SAMSN1: variants seen among roughly 807,000 people sequenced by gnomAD.
SAMSN1 encodes SAM domain-containing protein SAMSN-1.
Under a neutral mutation model 42.0 loss-of-function variants are expected in SAMSN1, and 31 were observed. That is an observed-to-expected ratio of 0.74 (90% CI 0.55 to 1.00). The LOEUF is 1.00. Ranked by LOEUF, SAMSN1 falls within the 50% of genes least tolerant of loss-of-function variation. The probability of loss-of-function intolerance (pLI) is 0.00; values close to 1 mark genes in which losing one functional copy is unlikely to be tolerated. For synonymous variants in SAMSN1, 178 were observed against 151.9 expected (o/e 1.17, Z -1.26); for missense variants, 464 against 439.4 (o/e 1.06, Z -0.50).
intron 1 of SAMSN1, among the ~76,000 whole-genome samples, chr21:14,646,935 G>A (rs1983724740): frequency 6.6e-6 from 1 of 152,058 alleles, no homozygotes. Flanking sequence ...GAATTAAAAA[G>A]CAAGAAACTA....
intron 2 of SAMSN1, among the ~76,000 whole-genome samples, chr21:14,633,529 T>C (rs1453028895): frequency 2.0e-5 from 3 of 152,192 alleles, no homozygotes; most frequent in Non-Finnish European, 4.4e-5. Context: ...GAGAACTCAG[T>C]TTTCCATTTT....
chr21:14,569,287 C>T (rs1408573365), intron 2 of SAMSN1, among the ~76,000 whole-genome samples: 5 of 152,032 alleles, frequency 3.3e-5, no homozygotes, highest in African/African-American at 1.2e-4. Context: ...AGAGCAAGAC[C>T]CTATCTCTAA....
chr21:14,541,244 A>C (rs1211104211), intron 1 of SAMSN1, among the ~76,000 whole-genome samples: 2 of 152,124 alleles, frequency 1.3e-5, no homozygotes, highest in Non-Finnish European at 2.9e-5. Context: ...ACAAACCTGC[A>C]CATGTACCCT....
chr21:14,510,918 C>A (rs2122979997), intron 4 of SAMSN1, among the ~76,000 whole-genome samples: 1 of 152,348 alleles, frequency 6.6e-6, no homozygotes, highest in Admixed American at 6.5e-5. Context: ...GTCTGAATAT[C>A]TGCATCCCCA....
intron 6 of SAMSN1, among the ~76,000 whole-genome samples, chr21:14,599,703 T>G (rs2123295364): frequency 6.6e-6 from 1 of 152,232 alleles, no homozygotes; most frequent in East Asian, 1.9e-4. Flanking sequence ...TCTTTTGCCT[T>G]GGAATCTCTG....
chr21:14,536,664 A>G (rs985534318), intron 1 of SAMSN1, among the ~76,000 whole-genome samples: 10 of 152,266 alleles, frequency 6.6e-5, no homozygotes, highest in Admixed American at 2.6e-4. Flanking sequence ...ATAAAATCCA[A>G]TGGAAAATTA....
intron 1 of SAMSN1, among the ~76,000 whole-genome samples, chr21:14,545,861 G>A (rs958146968): frequency 1.3e-5 from 2 of 152,160 alleles, no homozygotes. Context: ...AATAGACGTT[G>A]ACAATCTCAT....
intron 5 of SAMSN1, among the ~76,000 whole-genome samples, chr21:14,604,073 G>A (rs1982505997): frequency 6.6e-6 from 1 of 152,190 alleles, no homozygotes; most frequent in Non-Finnish European, 1.5e-5. Flanking sequence ...TAAGGGCTGG[G>A]ACTAAATTAG....
intron 2 of SAMSN1, among the ~76,000 whole-genome samples, chr21:14,642,756 T>C (rs1282295526): frequency 6.6e-6 from 1 of 152,190 alleles, no homozygotes; most frequent in African/African-American, 2.4e-5. Flanking sequence ...TTTATAGTCA[T>C]AAGGTTGCTT....
At chr21:14,624,195 C>G (rs1983099308) in intron 2 of SAMSN1, among the ~76,000 whole-genome samples, 1 of 151,968 alleles carries the variant, frequency 6.6e-6, no homozygotes, top group South Asian at 2.1e-4. Flanking sequence ...AAATCAACAC[C>G]CTAACACCAC....
chr21:14,520,145 A>G (rs767759246), intron 2 of SAMSN1, among the ~76,000 whole-genome samples: 1 of 152,190 alleles, frequency 6.6e-6, no homozygotes, highest in Non-Finnish European at 1.5e-5. Context: ...TATTATTGAA[A>G]TTATTACGTA....
intron 7 of SAMSN1, among the ~76,000 whole-genome samples, chr21:14,497,842 C>T (rs1986974934): frequency 6.6e-6 from 1 of 152,128 alleles, no homozygotes; most frequent in South Asian, 2.1e-4. Flanking sequence ...TCTTTACAAG[C>T]CTGGTTGCTG....
At chr21:14,593,060 C>T (rs1172421280) in intron 7 of SAMSN1, among the ~76,000 whole-genome samples, 1 of 152,088 alleles carries the variant, frequency 6.6e-6, no homozygotes, top group Non-Finnish European at 1.5e-5. Flanking sequence ...TCACCTCTTC[C>T]TCCTACCTAG....
upstream of SAMSN1, chr21:14,585,527 A>T (rs995231815): frequency 3.9e-5 from 6 of 152,192 alleles, no homozygotes; most frequent in Admixed American, 1.3e-4. Flanking sequence ...TTTGGAAGGT[A>T]TCTGAATTCA....
rs1308350348 is a variant in SAMSN1 at position 14,572,291 on chromosome 21, CTTTGTGTT to C, written c.261+9837_261+9844del. On this transcript the variant is annotated intron_variant, in intron 2 of 8. Transcript: ENST00000285670. ...TCTTACTAGAATTCCACAAAGAAAT[CTTTGTGTT>C]TTCCATTTGGTAGATAAGAAACTGA... Among the ~76,000 whole-genome samples the C allele has an allele frequency of 4.6e-5, 7 of 152,202 alleles. No individual in the cohort carries two copies. The East Asian group carries it at 1.4e-3, about 29-fold the overall frequency.
chr21:14,614,778 A>G (rs1214997723), intron 3 of SAMSN1, among the ~76,000 whole-genome samples: 1 of 152,214 alleles, frequency 6.6e-6, no homozygotes, highest in Non-Finnish European at 1.5e-5. Flanking sequence ...ATGTAGGTGT[A>G]TAATAACATG....
At chr21:14,584,008 T>TTTC (rs1406788964), upstream of SAMSN1, among the ~76,000 whole-genome samples, 1 of 151,762 alleles carries the variant, frequency 6.6e-6, no homozygotes, top group African/African-American at 2.4e-5. Flanking sequence ...CATTTTTTTT[T>TTTC]TTTACTTCAA....
At chr21:14,631,151 T>C (rs1176940135) in intron 2 of SAMSN1, among the ~76,000 whole-genome samples, 1 of 152,208 alleles carries the variant, frequency 6.6e-6, no homozygotes, top group Admixed American at 6.5e-5. Flanking sequence ...ATTTCTTCCT[T>C]TTTAAGCTAA....
intron 3 of SAMSN1, among the ~76,000 whole-genome samples, chr21:14,514,347 C>G (rs2122999353): frequency 6.6e-6 from 1 of 152,122 alleles, no homozygotes; most frequent in East Asian, 1.9e-4. Flanking sequence ...AATGAACACA[C>G]CAAGTAAAGA....
Sources: allele counts gnomAD v4.1 joint callset (sites outside exome capture counted in the v4.1 genomes callset), GRCh38; gene constraint gnomAD v4.1.1; transcripts MANE v1.5; gene names NCBI Gene and HGNC (gene_info 2026-07-23, HGNC 2026-07-21).